PKIG: variants seen among roughly 807,000 people sequenced by gnomAD.
The protein encoded by PKIG is cAMP-dependent protein kinase inhibitor gamma.
Under a neutral mutation model 6.8 loss-of-function variants are expected in PKIG, and 1 was observed. The observed-to-expected ratio is 0.15, with a 90% CI of 0.05 to 0.69. The LOEUF (loss-of-function observed/expected upper bound fraction) is 0.69, where lower values mean the gene tolerates loss of function less well. Among genes scored for constraint, PKIG ranks in the 30% least tolerant of loss-of-function variants. The pLI is 0.82. For synonymous variants in PKIG, 39 were observed against 43.0 expected, an observed-to-expected ratio of 0.91 and a Z score of 0.36; for missense variants, 77 against 104.0, an observed-to-expected ratio of 0.74 and a Z score of 1.13.
At chr20:44,603,216 A>T (rs1336039006) in intron 2 of PKIG, among the ~76,000 whole-genome samples, 1 of 152,178 alleles carries the variant, frequency 6.6e-6, no homozygotes, top group Non-Finnish European at 1.5e-5. Context: ...GCACCGTTAA[A>T]CAGAGTAAAA....
At chr20:44,595,804 G>A (rs1279696876) in intron 2 of PKIG, among the ~76,000 whole-genome samples, 4 of 152,022 alleles carry the variant, frequency 2.6e-5, no homozygotes, top group Non-Finnish European at 4.4e-5. Context: ...GAACCACTGC[G>A]CCTGGTGCCC....
intron 2 of PKIG, among the ~76,000 whole-genome samples, chr20:44,593,826 C>G (rs2065054159): frequency 6.6e-6 from 1 of 152,096 alleles, no homozygotes; most frequent in Admixed American, 6.5e-5. Context: ...AATCATGTCA[C>G]AGTGTGAATA....
intron 3 of PKIG, among the ~76,000 whole-genome samples, chr20:44,617,898 A>T (rs960560138): frequency 6.4e-5 from 8 of 125,504 alleles, no homozygotes; most frequent in Non-Finnish European, 9.9e-5. Flanking sequence ...TACAAAAATT[A>T]AAAAAAAAAC....
upstream of PKIG, among the ~76,000 whole-genome samples, chr20:44,577,613 C>T (rs1476847856): frequency 6.6e-6 from 1 of 152,110 alleles, no homozygotes; most frequent in Non-Finnish European, 1.5e-5. Flanking sequence ...ATTCGTAAAT[C>T]TCAATCAATA....
intron 1 of PKIG, among the ~76,000 whole-genome samples, chr20:44,540,175 G>C (rs6031649): frequency 0.07 from 10,690 of 152,076 alleles, 410 homozygotes; most frequent in South Asian, 0.15. Context: ...TGGCCAGGCT[G>C]GTCTTGAACT....
intron 2 of PKIG, among the ~76,000 whole-genome samples, chr20:44,610,133 C>T (rs1414559871): frequency 6.6e-6 from 1 of 152,196 alleles, no homozygotes; most frequent in Non-Finnish European, 1.5e-5. Flanking sequence ...TAGGGCAGCG[C>T]GCAAGGCTGC....
chr20:44,608,855 A>T (rs2065189888), intron 2 of PKIG, among the ~76,000 whole-genome samples: 1 of 152,146 alleles, frequency 6.6e-6, no homozygotes, highest in South Asian at 2.1e-4. Context: ...ATCTTCATGT[A>T]GATCTTGGAT....
At position 44,618,647 on chromosome 20, in the gene PKIG, G is replaced by A. The variant is rs2065293661; in HGVS notation, c.*283G>A. The A allele has an allele frequency of 1.1e-5, 4 of 369,246 alleles. No individual in the cohort carries two copies. Among genetic ancestry groups the A allele is most frequent in the South Asian group, 9.7e-5 (4 of 41,232 alleles). The allele number at this position is 369,246 out of a possible 1,614,324, so 22.9% of individuals were successfully genotyped here. On this transcript the variant is annotated 3_prime_UTR_variant, in exon 4 of 4. Coordinates refer to ENST00000372886, the MANE Select transcript of PKIG (RefSeq NM_001281445.2). The stretch of plus-strand genomic sequence containing the variant: ...TTATTGAGCTGGCGCCGGGACTTGG[G>A]CGGGGCCTGCCCTACAGTGAGCAGC...
At chr20:44,533,008 TG>T (rs1426952433) in intron 1 of PKIG, among the ~76,000 whole-genome samples, 1 of 152,116 alleles carries the variant, frequency 6.6e-6, no homozygotes, top group Non-Finnish European at 1.5e-5. Flanking sequence ...GGCTTTGTGT[TG>T]GGGGCAGTGG....
upstream of PKIG, among the ~76,000 whole-genome samples, chr20:44,578,018 A>G (rs1328068859): frequency 1.3e-5 from 2 of 152,148 alleles, no homozygotes; most frequent in East Asian, 3.9e-4. Flanking sequence ...CGGTTAGTTC[A>G]AGTGAGAACT....
At chr20:44,618,089 T>C (rs1193590672) in intron 3 of PKIG, among the ~76,000 whole-genome samples, 196 bp from the exon 4 acceptor site, 2 of 152,096 alleles carry the variant, frequency 1.3e-5, no homozygotes, top group African/African-American at 2.4e-5. Context: ...ACAAACACTA[T>C]GTGTATTTCC....
intron 1 of PKIG, among the ~76,000 whole-genome samples, chr20:44,550,990 A>G (rs1222579415): frequency 6.6e-6 from 1 of 152,136 alleles, no homozygotes; most frequent in Non-Finnish European, 1.5e-5. Flanking sequence ...GTGTATTTCA[A>G]TTTTTTGCTG....
At chr20:44,562,978 A>G (rs2064780655) in intron 1 of PKIG, among the ~76,000 whole-genome samples, 1 of 152,120 alleles carries the variant, frequency 6.6e-6, no homozygotes, top group Non-Finnish European at 1.5e-5. Context: ...TGAACCCAGG[A>G]GGCGGAGGTT....
At chr20:44,544,333 A>G (rs2064591049) in intron 1 of PKIG, among the ~76,000 whole-genome samples, 1 of 152,130 alleles carries the variant, frequency 6.6e-6, no homozygotes, top group South Asian at 2.1e-4. Flanking sequence ...GAGTAGGTGA[A>G]TGGACGCTGA....
At chr20:44,607,314 GGTGTGTGT>G (rs11472265) in intron 2 of PKIG, among the ~76,000 whole-genome samples, 2 of 147,592 alleles carry the variant, frequency 1.4e-5, no homozygotes, top group Admixed American at 1.4e-4. Context: ...TTGTTTCCAA[GGTGTGTGT>G]GTGTGTGTGT....
At chr20:44,610,529 C>CACACACACACACACACACACACACA (rs1206246062) in intron 2 of PKIG, among the ~76,000 whole-genome samples, 2 of 150,964 alleles carry the variant, frequency 1.3e-5, no homozygotes, top group African/African-American at 2.5e-5. Flanking sequence ...CACACACACA[C>CACACACACACACACACACACACACA]CTGCAGCACT....
chr20:44,590,772 CG>C (rs941111534), intron 2 of PKIG, among the ~76,000 whole-genome samples: 95 of 152,306 alleles, frequency 6.2e-4, no homozygotes, highest in African/African-American at 2.3e-3. Context: ...ATGAGCGCAT[CG>C]CTCTGAAGAG....
intron 1 of PKIG, among the ~76,000 whole-genome samples, chr20:44,543,279 T>C (rs141801517): frequency 6.6e-6 from 1 of 152,318 alleles, no homozygotes; most frequent in East Asian, 1.9e-4. Context: ...TGTTTATTAC[T>C]GTAAAGCCTT....
At chr20:44,609,731 A>T (rs1262899828) in intron 2 of PKIG, among the ~76,000 whole-genome samples, 1 of 152,114 alleles carries the variant, frequency 6.6e-6, no homozygotes, top group Non-Finnish European at 1.5e-5. Flanking sequence ...ACTGAGGAAG[A>T]GCCGAGGACT....
Sources: gnomAD v4.1 joint callset for allele counts (sites outside exome capture counted in the v4.1 genomes callset) on GRCh38, gnomAD v4.1.1 for gene constraint, MANE v1.5 for transcripts, NCBI Gene and HGNC (gene_info 2026-07-23, HGNC 2026-07-21) for gene names.